The following RASA3 variants were observed in gnomAD, a reference collection of about 807,000 sequenced individuals.
RASA3 encodes ras GTPase-activating protein 3.
Under a neutral mutation model 110.0 loss-of-function variants are expected in RASA3, and 73 were observed. The ratio of observed to expected loss-of-function variants is 0.66; its 90% confidence interval spans 0.55 to 0.81. RASA3 has a LOEUF of 0.81. Among genes scored for constraint, RASA3 ranks in the 30% least tolerant of loss-of-function variants. The probability of loss-of-function intolerance (pLI) is 0.00; values close to 1 mark genes in which losing one functional copy is unlikely to be tolerated. For missense variants in RASA3, 976 were observed against 1,113.2 expected (o/e 0.88, Z 1.75); for synonymous variants, 500 against 451.4 (o/e 1.11, Z -1.37).
At chr13:114,069,403 C>A (rs1224192133) in intron 2 of RASA3, among the ~76,000 whole-genome samples, 1 of 135,228 alleles carries the variant, frequency 7.4e-6, no homozygotes, top group Non-Finnish European at 1.5e-5. Context: ...AAAGGTGACA[C>A]TGACCTTGGA....
At chr13:114,030,933 ATG>A (rs66518318) in intron 4 of RASA3, among the ~76,000 whole-genome samples, 14,387 of 138,930 alleles carry the variant, frequency 0.1, 1,471 homozygotes, top group African/African-American at 0.28. Context: ...GCATGCGACT[ATG>A]TGTGTCCATC....
chr13:114,020,342 C>T (rs552800531), intron 9 of RASA3, among the ~76,000 whole-genome samples: 2 of 152,194 alleles, frequency 1.3e-5, no homozygotes, highest in African/African-American at 4.8e-5. Context: ...AGCCTGTGTG[C>T]GAGGCATTAG....
At chr13:114,019,824 CAG>C (rs775934876) in intron 9 of RASA3, among the ~76,000 whole-genome samples, 32 of 94,662 alleles carry the variant, frequency 3.4e-4, no homozygotes, top group African/African-American at 1.1e-3. Context: ...GAGGCATTAG[CAG>C]CCCTGTCAGG....
chr13:114,116,416 G>A (rs565211231), intron 1 of RASA3, among the ~76,000 whole-genome samples: 15 of 152,066 alleles, frequency 9.9e-5, no homozygotes, highest in East Asian at 3.9e-4. Context: ...AGACTCCAGC[G>A]TAGGACAGAC....
At chr13:114,043,098 G>T (rs964876825) in intron 3 of RASA3, among the ~76,000 whole-genome samples, 1 of 152,082 alleles carries the variant, frequency 6.6e-6, no homozygotes, top group Non-Finnish European at 1.5e-5. Flanking sequence ...CAGAGCCCGT[G>T]GGCCTGGGCC....
At chr13:114,015,433 G>C (rs909941174) in intron 13 of RASA3, 101 bp from the exon 14 acceptor site, 1 of 1,470,164 alleles carries the variant, frequency 6.8e-7, no homozygotes, top group African/African-American at 1.4e-5. Flanking sequence ...AGGGGCTGAG[G>C]GCGGGCGCAG....
At chr13:114,109,371 C>A (rs528110174) in intron 1 of RASA3, among the ~76,000 whole-genome samples, 63 of 152,272 alleles carry the variant, frequency 4.1e-4, no homozygotes, top group African/African-American at 1.4e-3. Context: ...CAGTCCAAAC[C>A]CTCCTGTTCA....
chr13:114,009,059 G>C (rs1422046716), intron 17 of RASA3, among the ~76,000 whole-genome samples: 1 of 152,194 alleles, frequency 6.6e-6, no homozygotes, highest in Non-Finnish European at 1.5e-5. Flanking sequence ...AGGGCTCCAC[G>C]ACTGCAGCCT....
chr13:114,001,147 T>C lies in RASA3; in HGVS notation c.1743-215A>G, dbSNP rs74478693. On this transcript the variant is annotated intron_variant, in intron 18 of 23. Coordinates refer to ENST00000334062, the MANE Select transcript of RASA3 (RefSeq NM_007368.4). ...CTGACTGCTTTGAGTCACCAGTTGGTGATGGCACCAGGTTTTAGGAGATCT... is the reference window on the plus strand; with the variant it reads ...CTGACTGCTTTGAGTCACCAGTTGGCGATGGCACCAGGTTTTAGGAGATCT... 5.8e-3 allele frequency among the ~76,000 whole-genome samples: 878 copies of C among 152,368 alleles called. 24 individuals carry two copies. Among genetic ancestry groups the C allele is most frequent in the East Asian group, 0.057 (295 of 5,188 alleles).
intron 4 of RASA3, among the ~76,000 whole-genome samples, chr13:114,033,883 A>G (rs2054229880): frequency 6.6e-6 from 1 of 152,222 alleles, no homozygotes; most frequent in South Asian, 2.1e-4. Context: ...GAAGGTGGGC[A>G]TGAACCCCAC....
At chr13:114,077,977 T>G in intron 1 of RASA3, 1 of 945,806 alleles carries the variant, frequency 1.1e-6, no homozygotes, top group Middle Eastern at 5.5e-4. Flanking sequence ...CAACTGTTAA[T>G]AAAGCATTGA....
At chr13:114,076,098 G>C (rs374004205) in intron 1 of RASA3, among the ~76,000 whole-genome samples, 1 of 152,108 alleles carries the variant, frequency 6.6e-6, no homozygotes, top group Non-Finnish European at 1.5e-5. Flanking sequence ...GCTTGCGGCC[G>C]TTTCCCGCCA....
chr13:114,100,510 G>T (rs2080043526), intron 1 of RASA3, among the ~76,000 whole-genome samples: 1 of 152,212 alleles, frequency 6.6e-6, no homozygotes, highest in South Asian at 2.1e-4. Context: ...CCCCCGTCTG[G>T]GCCCAGTCCC....
rs150534401 is a variant in RASA3 at position 113,994,303 on chromosome 13, G to A, written c.2142-1715C>T. ...TGGTCATTTGTTTTATTAGGTAATT[G>A]ATAAAATTGTGTCACTTATTCATGT... On this transcript the variant is annotated intron_variant, in intron 21 of 23. Transcript: ENST00000334062. Among the ~76,000 whole-genome samples the A allele has an allele frequency of 7.5e-3, 1,147 of 152,220 alleles. 10 individuals carry two copies. The highest frequency in any genetic ancestry group is 0.012 in the Non-Finnish European group (796 of 67,998).
intron 2 of RASA3, among the ~76,000 whole-genome samples, chr13:114,066,231 G>A (rs1350076265): frequency 3.9e-5 from 6 of 152,162 alleles, no homozygotes; most frequent in African/African-American, 9.7e-5. Context: ...TTTAGGGCCC[G>A]GCCACGATGT....
At chr13:114,061,047 A>G (rs2079336048) in intron 2 of RASA3, among the ~76,000 whole-genome samples, 1 of 146,946 alleles carries the variant, frequency 6.8e-6, no homozygotes, top group Non-Finnish European at 1.5e-5. Context: ...GAGCCTGGGC[A>G]CTGCACACAG....
intron 3 of RASA3, among the ~76,000 whole-genome samples, chr13:114,043,698 G>C (rs574882956): frequency 2.0e-5 from 3 of 152,142 alleles, no homozygotes; most frequent in African/African-American, 7.2e-5. Context: ...CAGCACATGT[G>C]GGAGAAGGAA....
intron 2 of RASA3, among the ~76,000 whole-genome samples, chr13:114,070,979 C>T (rs2079562186): frequency 6.9e-6 from 1 of 143,900 alleles, no homozygotes; most frequent in Non-Finnish European, 1.5e-5. Context: ...GCAGGGCTGC[C>T]GGCGTCCACG....
chr13:114,063,437 A>T (rs142589359), intron 2 of RASA3, among the ~76,000 whole-genome samples: 2,212 of 151,226 alleles, frequency 0.015, 23 homozygotes, highest in Non-Finnish European at 0.022. Flanking sequence ...CAAATATATT[A>T]ACAATAATAG....
Sources: allele counts gnomAD v4.1 joint callset (sites outside exome capture counted in the v4.1 genomes callset), GRCh38; gene constraint gnomAD v4.1.1; transcripts MANE v1.5; gene names NCBI Gene and HGNC (gene_info 2026-07-23, HGNC 2026-07-21).